The following CDC42BPB variants were observed in gnomAD, a reference collection of about 807,000 sequenced individuals.
CDC42BPB encodes CDC42 binding protein kinase beta.
In CDC42BPB, 37 loss-of-function variants were observed where a neutral mutation model predicts 214.9. That is an observed-to-expected ratio of 0.17 (90% CI 0.13 to 0.23). The LOEUF is 0.23. Ranked by LOEUF, CDC42BPB falls within the 10% of genes least tolerant of loss-of-function variation. CDC42BPB has a pLI of 1.00. For missense variants in CDC42BPB, 1,694 were observed against 2,227.0 expected (o/e 0.76, Z 4.82); for synonymous variants, 931 against 884.0 (o/e 1.05, Z -0.94).
At chr14:103,019,545 T>TTA (rs1886653458) in intron 1 of CDC42BPB, among the ~76,000 whole-genome samples, 1 of 152,168 alleles carries the variant, frequency 6.6e-6, no homozygotes, top group Non-Finnish European at 1.5e-5. Context: ...CAGGACTCCT[T>TTA]CAGCACAGCT....
intron 1 of CDC42BPB, among the ~76,000 whole-genome samples, chr14:103,025,491 T>C (rs1300310042): frequency 6.8e-6 from 1 of 146,542 alleles, no homozygotes; most frequent in African/African-American, 2.5e-5. Context: ...ATTCATGTAA[T>C]GAACTAGTAC....
Position 102,938,011 on chromosome 14 carries a change from C to T in CDC42BPB, c.5004+93G>A, listed in dbSNP as rs547130813. The T allele has an allele frequency of 4.4e-6, 6 of 1,363,160 alleles. 1 individual carries two copies. The highest frequency in any genetic ancestry group is 4.3e-5 in the African/African-American group (3 of 70,264). The allele number at this position is 1,363,160 out of a possible 1,614,324, so 84.4% of individuals were successfully genotyped here. On this transcript the variant is annotated intron_variant, in intron 36 of 36. Coordinates refer to ENST00000361246, the MANE Select transcript of CDC42BPB (RefSeq NM_006035.4). The stretch of plus-strand genomic sequence containing the variant: ...CCGCAAGTGGGGTGCTCCAAAAGGG[C>T]TGTGACACCACCCAGGGCCCCAGAT...
rs146682956 is a variant in CDC42BPB at position 102,954,787 on chromosome 14, T to C, written c.2902-99A>G. 2,731 of 1,498,648 alleles carry C rather than the reference T, an allele frequency of 1.8e-3. 5 individuals are homozygous for C. Among genetic ancestry groups the C allele is most frequent in the Non-Finnish European group, 2.3e-3 (2,542 of 1,115,544 alleles). 92.8% of individuals were successfully genotyped at this position (1,498,648 alleles called of 1,614,324 possible). On this transcript the variant is annotated intron_variant, in intron 21 of 36. Transcript: ENST00000361246. The stretch of plus-strand genomic sequence containing the variant: ...TTTACTAATAAAAGCAGATTCTGTC[T>C]AGCCCAGAAGTCCCAGCGGTTCTTA...
At chr14:102,996,460 C>T (rs1894741757) in intron 5 of CDC42BPB, among the ~76,000 whole-genome samples, 1 of 152,154 alleles carries the variant, frequency 6.6e-6, no homozygotes, top group Non-Finnish European at 1.5e-5. Flanking sequence ...ACATTTATTT[C>T]TCTATTGTGA....
chr14:103,041,632 C>A, intron 1 of CDC42BPB: 1 of 715,022 alleles, frequency 1.4e-6, no homozygotes, highest in Non-Finnish European at 2.4e-6. Flanking sequence ...ACCCATCCGG[C>A]CCATCGTGTG....
At chr14:102,974,281 T>TACTTAC in intron 11 of CDC42BPB, 132 bp from the exon 12 acceptor site, 1 of 1,315,120 alleles carries the variant, frequency 7.6e-7, no homozygotes, top group South Asian at 1.7e-5. Flanking sequence ...TTTTTTTACT[T>TACTTAC]ACACACACAC....
At chr14:102,938,460 G>T in intron 34 of CDC42BPB, 49 bp from the exon 35 acceptor site, 1 of 1,504,576 alleles carries the variant, frequency 6.6e-7, no homozygotes, top group Non-Finnish European at 8.8e-7. Flanking sequence ...CACCCGGCAG[G>T]GCCGGCTGCG....
chr14:102,990,171 G>A (rs186172380), intron 5 of CDC42BPB, among the ~76,000 whole-genome samples: 1 of 152,272 alleles, frequency 6.6e-6, no homozygotes, highest in East Asian at 1.9e-4. Context: ...GTCTAAAATG[G>A]AAAACTGATT....
At chr14:102,958,539 G>A (rs1300980338) in intron 21 of CDC42BPB, among the ~76,000 whole-genome samples, 1 of 152,150 alleles carries the variant, frequency 6.6e-6, no homozygotes, top group Admixed American at 6.5e-5. Context: ...CTGCTATCAA[G>A]GGTGCATCCC....
intron 20 of CDC42BPB, 58 bp downstream of exon 20, chr14:102,963,003 C>A: frequency 2.4e-6 from 2 of 830,464 alleles, no homozygotes; most frequent in South Asian, 1.6e-5. Context: ...AAAATAAAAA[C>A]ATTCATTTGA....
chr14:102,979,647 A>T (rs1893910950), intron 8 of CDC42BPB, among the ~76,000 whole-genome samples: 1 of 152,254 alleles, frequency 6.6e-6, no homozygotes. Flanking sequence ...TGAAACATAC[A>T]GAGTGAATGA....
In CDC42BPB at chr14:102,944,139, C is replaced by A. The variant is rs746689190; in HGVS notation, c.4160G>T (p.Cys1387Phe). The change falls in exon 30 of 37, where the codon TGT becomes TTT. Residue 1387 changes from cysteine (C) to phenylalanine (F), a missense_variant. Physicochemically the swap from Cys to Phe is radical, Grantham distance 205 (BLOSUM62 -2). This residue lies in a region of CDC42BPB where 567 missense variants were observed against 790.3 expected (regional missense o/e 0.72). Transcript: ENST00000361246. This position sits in a 1 kb window ranked among gnomAD's most constrained non-coding sequence, Gnocchi z 6.6. Reference protein sequence around the residue: ...QCLAVLRDRLCVGYPSGFCLL... With the variant: ...QCLAVLRDRLFVGYPSGFCLL... ...GCAGAACCCAGAAGGGTAGCCCACA[C>A]AGAGCCTGTCCCTGAGCACCGCCAG... is the stretch of plus-strand genomic sequence containing the variant. 1.2e-6 allele frequency: 2 copies of A among 1,613,246 alleles called. No individual in the cohort carries two copies.
At chr14:103,005,227 T>C (rs1482140089) in intron 3 of CDC42BPB, among the ~76,000 whole-genome samples, 3 of 151,972 alleles carry the variant, frequency 2.0e-5, no homozygotes, top group African/African-American at 7.2e-5. Flanking sequence ...TCCTCTTTAT[T>C]GAGCACAGAA....
rs760287348 is a variant in CDC42BPB at position 102,940,006 on chromosome 14, ACTTCC to A, written c.4591+35_4591+39del. The A allele has an allele frequency of 3.1e-6, 5 of 1,613,670 alleles. No individual in the cohort carries two copies. The South Asian group carries it at 3.3e-5, about 11-fold the overall frequency. On this transcript the variant is annotated intron_variant, in intron 32 of 36. Transcript: ENST00000361246. ...GGCACCAGGGACACACGCCCCTCCA[ACTTCC>A]CTTCCCTCCACTCCCGGTGCAGAGG...
chr14:102,986,410 C>T (rs2139539887), intron 6 of CDC42BPB, 77 bp downstream of exon 6: 1 of 894,226 alleles, frequency 1.1e-6, no homozygotes, highest in Non-Finnish European at 1.8e-6. Flanking sequence ...CTTAATTGTA[C>T]CTCAAATTGA....
At position 103,014,791 on chromosome 14, in the gene CDC42BPB, A is replaced by C. The variant is rs577928465; in HGVS notation, c.176-2603T>G. Among the ~76,000 whole-genome samples the C allele has an allele frequency of 1.4e-3, 212 of 152,272 alleles. 1 individual carries two copies. The highest frequency in any genetic ancestry group is 4.8e-3 in the African/African-American group (201 of 41,568). The stretch of plus-strand genomic sequence containing the variant: ...GTCCTGAGTTATTAAAAAAGAAAGA[A>C]AGGCCAGGCTGAAGAAAACCCTTGA... On this transcript the variant is annotated intron_variant, in intron 1 of 36. Transcript: ENST00000361246.
Position 102,974,107 on chromosome 14 carries a change from A to G in CDC42BPB, c.1550T>C (p.Leu517Pro), listed in dbSNP as rs1893620425. The stretch of plus-strand genomic sequence containing the variant: ...CGTGGAGTCCTCACGCTCTTGGCGA[A>G]GCGCCACTGTGTCCTCAAGCTGTCG... ...LERQLEDTVA[L>P]RQEREDSTQR... The change falls in exon 12 of 37, where the codon CTT becomes CCT. Residue 517 changes from leucine (L) to proline (P), a missense_variant. Physicochemically the swap from Leu to Pro is moderately conservative, Grantham distance 98. Around this residue, in one of 7 missense-constraint regions of CDC42BPB, gnomAD observed 462 missense variants for 513.5 expected, o/e 0.90. Transcript: ENST00000361246. 1 of 1,613,914 alleles carries G rather than the reference A, an allele frequency of 6.2e-7. No individual in the cohort carries two copies. Among genetic ancestry groups the G allele is most frequent in the African/African-American group, 1.3e-5 (1 of 74,936 alleles).
At chr14:103,052,841 C>T (rs946048892) in intron 1 of CDC42BPB, among the ~76,000 whole-genome samples, 10 of 152,220 alleles carry the variant, frequency 6.6e-5, no homozygotes, top group African/African-American at 2.4e-4. Context: ...TTTCAAACAT[C>T]AGCTCCATCC....
chr14:102,997,821 C>A (rs1198787492), intron 5 of CDC42BPB, among the ~76,000 whole-genome samples: 2 of 152,226 alleles, frequency 1.3e-5, no homozygotes, highest in Non-Finnish European at 2.9e-5. Flanking sequence ...TGAACCATAG[C>A]TGAAAGGATG....
Sources: gnomAD v4.1 joint callset for allele counts (sites outside exome capture counted in the v4.1 genomes callset) on GRCh38, gnomAD v4.1.1 for gene constraint, gnomAD v4.1.1 regional missense constraint, Gnocchi (gnomAD v3.1) non-coding constraint, MANE v1.5 for transcripts, NCBI Gene and HGNC (gene_info 2026-07-23, HGNC 2026-07-21) for gene names.